Variants in CUEDC1 observed in about 807,000 individuals in gnomAD.
CUEDC1 encodes CUE domain containing 1.
In CUEDC1, 30 loss-of-function variants were observed where a neutral mutation model predicts 43.7. The ratio of observed to expected loss-of-function variants is 0.69; its 90% CI spans 0.51 to 0.93. The LOEUF (loss-of-function observed/expected upper bound fraction) is 0.93. CUEDC1 is among the 40% of genes least tolerant of loss of function. The pLI is 0.00. For synonymous variants in CUEDC1, 223 were observed against 223.6 expected (o/e 1.00, Z 0.02); for missense variants, 486 against 549.0 (o/e 0.89, Z 1.15).
In CUEDC1 at chr17:57,885,362, C is replaced by T; in HGVS notation, c.203G>A (p.Cys68Tyr). ...AGCGCCGCTGTTGGCGCGCAGCACG[C>T]ATTCGATGATGTCGTAATCCATGTT... Reference protein sequence around the residue: ...FPNMDYDIIECVLRANSGAVD... With the variant: ...FPNMDYDIIEYVLRANSGAVD... The change falls in exon 2 of 11, where the codon TGC becomes TAC. Residue 68 changes from cysteine (C) to tyrosine (Y), a missense_variant. Physicochemically the swap from Cys to Tyr is radical, Grantham distance 194. Coordinates refer to ENST00000577830, the MANE Select transcript of CUEDC1 (RefSeq NM_001271875.2). The T allele has an allele frequency of 6.2e-7, 1 of 1,612,352 alleles. No homozygotes were observed. The highest frequency in any genetic ancestry group is 8.5e-7 in the Non-Finnish European group (1 of 1,179,756).
chr17:57,876,669 A>C (rs193221616), intron 3 of CUEDC1, among the ~76,000 whole-genome samples: 2 of 152,224 alleles, frequency 1.3e-5, no homozygotes, highest in Non-Finnish European at 2.9e-5. Context: ...GAGGGACTGG[A>C]CAAGGCACTG....
chr17:57,863,858 G>A (rs556325509), intron 10 of CUEDC1, among the ~76,000 whole-genome samples: 4 of 151,776 alleles, frequency 2.6e-5, no homozygotes, highest in East Asian at 1.9e-4. Flanking sequence ...AAAATTAGCC[G>A]GGCGGGGTGG....
chr17:57,863,046 T>G lies in CUEDC1; in HGVS notation c.*243A>C, dbSNP rs1027495618. 10 of 139,022 alleles carry G rather than the reference T, an allele frequency of 7.2e-5. No individual in the cohort carries two copies. The highest frequency in any genetic ancestry group is 2.8e-4 in the African/African-American group (10 of 35,352). The allele number at this position is 139,022 out of a possible 1,614,324, so 8.6% of individuals were successfully genotyped here. A position where few individuals can be genotyped will look rare whatever the true frequency, so the allele number is the denominator to read the frequency against. ...GCCTGGCTACAAAAGGGGCTGTAATTGGCTGCTGCCTATAGGGGCCCCAGG... is the reference window on the plus strand; with the variant it reads ...GCCTGGCTACAAAAGGGGCTGTAATGGGCTGCTGCCTATAGGGGCCCCAGG... On this transcript the variant is annotated 3_prime_UTR_variant, in exon 11 of 11. Transcript: ENST00000577830.
intron 1 of CUEDC1, chr17:57,912,371 G>A (rs186468877): frequency 1.3e-5 from 2 of 152,350 alleles, no homozygotes; most frequent in Admixed American, 1.3e-4. Flanking sequence ...CCGCTGGAGG[G>A]AGTCAAGAAG....
chr17:57,885,886 C>T lies in CUEDC1; in HGVS notation c.-315-7G>A, dbSNP rs2074284900. ...GTTTCACGGATGGTCCCACCTGAAACCGAAAGAGATGGAGTCAGGGCCGAG... is the reference window on the plus strand; with the variant it reads ...GTTTCACGGATGGTCCCACCTGAAATCGAAAGAGATGGAGTCAGGGCCGAG... On this transcript the variant is annotated splice_region_variant and splice_polypyrimidine_tract_variant and intron_variant, in intron 1 of 10. Transcript: ENST00000577830. The T allele has an allele frequency of 8.4e-6, 2 of 237,232 alleles. No individual in the cohort carries two copies. The highest frequency in any genetic ancestry group is 1.7e-4 in the East Asian group (2 of 11,522). The allele number at this position is 237,232 out of a possible 1,614,324, so 14.7% of individuals were successfully genotyped here.
At chr17:57,901,517 C>T (rs2074471920) in intron 1 of CUEDC1, among the ~76,000 whole-genome samples, 1 of 152,220 alleles carries the variant, frequency 6.6e-6, no homozygotes, top group African/African-American at 2.4e-5. Context: ...CAGCCGTGAG[C>T]CAACCAGGAC....
chr17:57,872,970 G>A, intron 4 of CUEDC1, 115 bp from the exon 5 acceptor site: 1 of 970,664 alleles, frequency 1.0e-6, no homozygotes, highest in Non-Finnish European at 1.5e-6. Flanking sequence ...GCCCTCACCT[G>A]AGGCTCACAC....
In CUEDC1 at chr17:57,865,985, G is replaced by A. The variant is rs537699221; in HGVS notation, c.*3+489C>T. ...TTACAGGCGCTTGCCACCACGCCAGGCTAATTTTTGTATTTTTAGCAGAGA... is the reference window on the plus strand; with the variant it reads ...TTACAGGCGCTTGCCACCACGCCAGACTAATTTTTGTATTTTTAGCAGAGA... On this transcript the variant is annotated intron_variant, in intron 10 of 10. Transcript: ENST00000577830. Among the ~76,000 whole-genome samples, 5 of 152,210 alleles carry A rather than the reference G, an allele frequency of 3.3e-5. No individual in the cohort carries two copies. In the South Asian group the frequency reaches 1.0e-3, roughly 32 times the overall value.
intron 1 of CUEDC1, among the ~76,000 whole-genome samples, chr17:57,925,411 C>T (rs1312709650): frequency 6.6e-6 from 1 of 152,068 alleles, no homozygotes; most frequent in Non-Finnish European, 1.5e-5. Context: ...GTGGTCACAC[C>T]TAAACAAGCA....
intron 1 of CUEDC1, among the ~76,000 whole-genome samples, chr17:57,889,675 TGAG>T (rs1297412494): frequency 3.3e-5 from 5 of 152,174 alleles, no homozygotes; most frequent in Non-Finnish European, 7.3e-5. Context: ...GTTCTGTGGA[TGAG>T]GAGAGTGGCT....
intron 1 of CUEDC1, among the ~76,000 whole-genome samples, chr17:57,896,406 T>C (rs886908941): frequency 6.6e-6 from 1 of 151,926 alleles, no homozygotes; most frequent in African/African-American, 2.4e-5. Context: ...GATTTCAATA[T>C]GTCTCTTTAG....
intron 1 of CUEDC1, among the ~76,000 whole-genome samples, chr17:57,931,637 C>G (rs978459945): frequency 2.0e-5 from 3 of 152,098 alleles, no homozygotes; most frequent in African/African-American, 7.2e-5. Flanking sequence ...ACTGGGTATT[C>G]AAGTTGATGG....
At chr17:57,899,672 A>C (rs115600127) in intron 1 of CUEDC1, among the ~76,000 whole-genome samples, 2,243 of 152,272 alleles carry the variant, frequency 0.015, 74 homozygotes, top group African/African-American at 0.052. Flanking sequence ...TCACTTGCAC[A>C]GTGCCACATG....
chr17:57,899,979 A>G (rs1597995063), intron 1 of CUEDC1, among the ~76,000 whole-genome samples: 1 of 151,934 alleles, frequency 6.6e-6, no homozygotes, highest in East Asian at 1.9e-4. Context: ...GTTTTACAGC[A>G]TTGGTAAGGT....
intron 1 of CUEDC1, among the ~76,000 whole-genome samples, chr17:57,951,726 T>A (rs1003759203): frequency 4.6e-5 from 7 of 152,198 alleles, no homozygotes; most frequent in Admixed American, 1.3e-4. Context: ...CCCAAAGTGC[T>A]GGGATTACAG....
At chr17:57,894,387 A>C (rs2074387853) in intron 1 of CUEDC1, among the ~76,000 whole-genome samples, 1 of 151,982 alleles carries the variant, frequency 6.6e-6, no homozygotes, top group African/African-American at 2.4e-5. Context: ...AATCAGAAGA[A>C]AGGCCAGGCT....
intron 2 of CUEDC1, among the ~76,000 whole-genome samples, chr17:57,884,790 G>A (rs1334280714): frequency 3.3e-5 from 5 of 152,196 alleles, no homozygotes; most frequent in African/African-American, 1.2e-4. Context: ...GTCAGTACCC[G>A]ACTCGCGCTT....
chr17:57,923,570 G>A (rs539199114), intron 1 of CUEDC1, among the ~76,000 whole-genome samples: 20 of 152,202 alleles, frequency 1.3e-4, no homozygotes, highest in Non-Finnish European at 1.5e-5. Flanking sequence ...TGCCTTGGCT[G>A]GATGTCCCAG....
At chr17:57,897,437 G>A (rs559155578) in intron 1 of CUEDC1, among the ~76,000 whole-genome samples, 4 of 152,044 alleles carry the variant, frequency 2.6e-5, no homozygotes, top group South Asian at 2.1e-4. Flanking sequence ...TTCGGAGGCC[G>A]AGGCAGGTGG....
Sources: gnomAD v4.1 joint callset for allele counts (sites outside exome capture counted in the v4.1 genomes callset) on GRCh38, gnomAD v4.1.1 for gene constraint, MANE v1.5 for transcripts, NCBI Gene and HGNC (gene_info 2026-07-23, HGNC 2026-07-21) for gene names.